Variants in SLC25A48 observed in about 807,000 individuals in gnomAD.
The protein encoded by SLC25A48 is CTC-321K16.1.
In SLC25A48, 29 loss-of-function variants were observed where a neutral mutation model predicts 32.2. The ratio of observed to expected loss-of-function variants is 0.90; its 90% confidence interval spans 0.67 to 1.23. The LOEUF is 1.23. SLC25A48 is among the 50% of genes most tolerant of loss of function. The pLI is 0.00. For missense variants in SLC25A48, 399 were observed against 422.7 expected (o/e 0.94, Z 0.49); for synonymous variants, 164 against 172.3 (o/e 0.95, Z 0.38).
intron 1 of SLC25A48, among the ~76,000 whole-genome samples, chr5:135,602,765 C>T (rs1751829685): frequency 6.6e-6 from 1 of 152,102 alleles, no homozygotes; most frequent in Non-Finnish European, 1.5e-5. Context: ...CCTCCCCTCT[C>T]CCCCCACCCC....
chr5:135,696,828 C>G (rs1259481518), intron 3 of SLC25A48, among the ~76,000 whole-genome samples: 1 of 152,190 alleles, frequency 6.6e-6, no homozygotes, highest in Non-Finnish European at 1.5e-5. Context: ...CTGCCAATCA[C>G]TATGCCCAGT....
intron 3 of SLC25A48, among the ~76,000 whole-genome samples, chr5:135,675,299 C>G (rs1035388169): frequency 1.3e-5 from 2 of 151,932 alleles, no homozygotes; most frequent in Non-Finnish European, 2.9e-5. Context: ...CAAGTTGTCT[C>G]TTTACTCTGT....
At chr5:135,589,802 C>T (rs1056807058) in intron 1 of SLC25A48, among the ~76,000 whole-genome samples, 1 of 152,182 alleles carries the variant, frequency 6.6e-6, no homozygotes, top group Non-Finnish European at 1.5e-5. Flanking sequence ...TCAAGCGATT[C>T]TCCTGCTTCA....
intron 3 of SLC25A48, among the ~76,000 whole-genome samples, chr5:135,775,403 C>A (rs867249665): frequency 1.3e-5 from 2 of 151,438 alleles, no homozygotes; most frequent in Non-Finnish European, 3.0e-5. Context: ...GACATTACTC[C>A]CTATATTGTT....
At chr5:135,603,963 A>G (rs531371845) in intron 1 of SLC25A48, among the ~76,000 whole-genome samples, 139 of 152,316 alleles carry the variant, frequency 9.1e-4, no homozygotes, top group South Asian at 2.7e-3. Context: ...AAATGAGTAC[A>G]GGGGAAAGCA....
At chr5:135,657,181 T>C (rs1245984881) in intron 3 of SLC25A48, among the ~76,000 whole-genome samples, 1 of 152,170 alleles carries the variant, frequency 6.6e-6, no homozygotes, top group Non-Finnish European at 1.5e-5. Flanking sequence ...TGTAATTTAG[T>C]TCTACCATGA....
chr5:135,704,342 G>T (rs549409333), intron 3 of SLC25A48, among the ~76,000 whole-genome samples: 46 of 152,266 alleles, frequency 3.0e-4, no homozygotes, highest in African/African-American at 1.0e-3. Flanking sequence ...AGGCTTCAAG[G>T]CTTCAGACTT....
At chr5:135,875,971 G>A (rs1762000044) in intron 6 of SLC25A48, 1 of 152,124 alleles carries the variant, frequency 6.6e-6, no homozygotes, top group Non-Finnish European at 1.5e-5. Flanking sequence ...GGAAACTTGA[G>A]TTCTGTCTTT....
chr5:135,675,990 A>G (rs1279550891), intron 3 of SLC25A48, among the ~76,000 whole-genome samples: 3 of 151,520 alleles, frequency 2.0e-5, no homozygotes, highest in Non-Finnish European at 3.0e-5. Flanking sequence ...TGCCTTATTG[A>G]TTTCTTTCTT....
intron 3 of SLC25A48, 90 bp downstream of exon 3, chr5:135,850,586 G>GA: frequency 8.2e-7 from 1 of 1,224,010 alleles, no homozygotes; most frequent in Non-Finnish European, 1.2e-6. Flanking sequence ...GCATGCAGGT[G>GA]GGGGCCTCTC....
At chr5:135,654,820 C>A (rs1284145382) in intron 3 of SLC25A48, among the ~76,000 whole-genome samples, 1 of 152,356 alleles carries the variant, frequency 6.6e-6, no homozygotes, top group South Asian at 2.1e-4. Context: ...CTGTGGCCTG[C>A]AGCATCAGCT....
intron 3 of SLC25A48, among the ~76,000 whole-genome samples, chr5:135,806,117 T>C (rs936234995): frequency 6.6e-6 from 1 of 151,718 alleles, no homozygotes; most frequent in Non-Finnish European, 1.5e-5. Context: ...TTTGTTGTCG[T>C]TTTTATCATC....
chr5:135,668,541 G>A (rs376752178), intron 3 of SLC25A48, among the ~76,000 whole-genome samples: 4 of 152,138 alleles, frequency 2.6e-5, no homozygotes, highest in Non-Finnish European at 4.4e-5. Context: ...GACATTTATC[G>A]AACACCTACA....
chr5:135,742,601 G>T (rs1174816610), intron 3 of SLC25A48: 2 of 958,284 alleles, frequency 2.1e-6, no homozygotes, highest in African/African-American at 3.3e-5. Context: ...TGCAAAGAAA[G>T]CCAAAGTTTA....
At chr5:135,798,831 T>C (rs1757249850) in intron 3 of SLC25A48, among the ~76,000 whole-genome samples, 2 of 151,740 alleles carry the variant, frequency 1.3e-5, no homozygotes, top group Admixed American at 6.6e-5. Flanking sequence ...ATGATACTAC[T>C]CCCGATATTG....
chr5:135,651,600 G>A (rs1753115095), intron 3 of SLC25A48, among the ~76,000 whole-genome samples: 1 of 152,228 alleles, frequency 6.6e-6, no homozygotes, highest in Non-Finnish European at 1.5e-5. Flanking sequence ...CCTAGGGGTA[G>A]TGGCTGCTAC....
chr5:135,680,614 T>C (rs536964287), intron 3 of SLC25A48, among the ~76,000 whole-genome samples: 2 of 152,272 alleles, frequency 1.3e-5, no homozygotes, highest in South Asian at 4.2e-4. Flanking sequence ...ACATCTTACA[T>C]AGTGTCAGGC....
intron 4 of SLC25A48, among the ~76,000 whole-genome samples, chr5:135,863,417 G>A (rs1387244816): frequency 1.3e-5 from 2 of 152,176 alleles, no homozygotes; most frequent in Non-Finnish European, 2.9e-5. Context: ...AGTGCAATAG[G>A]CATAGAAGTG....
At chr5:135,787,584 A>T (rs2126628713) in intron 3 of SLC25A48, among the ~76,000 whole-genome samples, 1 of 151,508 alleles carries the variant, frequency 6.6e-6, no homozygotes, top group South Asian at 2.1e-4. Context: ...TGTAATATTA[A>T]TTGTAATTTT....
Sources: allele counts gnomAD v4.1 joint callset (sites outside exome capture counted in the v4.1 genomes callset), GRCh38; gene constraint gnomAD v4.1.1; transcripts MANE v1.5; gene names NCBI Gene and HGNC (gene_info 2026-07-23, HGNC 2026-07-21).